Variants in DIS3L observed in about 807,000 individuals in gnomAD.
The protein encoded by DIS3L is DIS3 like exosome 3'-5' exoribonuclease.
A neutral mutation model predicts 120.3 loss-of-function variants in DIS3L; 100 were observed. The ratio of observed to expected loss-of-function variants is 0.83; its 90% CI spans 0.71 to 0.98. The LOEUF is 0.98. Among genes scored for constraint, DIS3L ranks in the 50% least tolerant of loss-of-function variants. The pLI is 0.00. For missense variants in DIS3L, 1,196 were observed against 1,314.2 expected, an observed-to-expected ratio of 0.91 and a Z score of 1.39; for synonymous variants, 426 against 470.6, an observed-to-expected ratio of 0.91 and a Z score of 1.23.
intron 14 of DIS3L, chr15:66,329,714 C>A (rs2092979392): frequency 2.0e-6 from 2 of 1,019,122 alleles, no homozygotes; most frequent in Non-Finnish European, 2.3e-6. Flanking sequence ...GAATTTGAGA[C>A]CAGCCTGGCC....
chr15:66,296,987 A>G (rs1025641431), intron 2 of DIS3L, among the ~76,000 whole-genome samples: 3 of 152,192 alleles, frequency 2.0e-5, no homozygotes, highest in Admixed American at 6.5e-5. Context: ...AGGCCAAAAA[A>G]TCCTTTGGGG....
intron 12 of DIS3L, 138 bp from the exon 13 acceptor site, chr15:66,328,832 G>A (rs1409558813): frequency 3.1e-6 from 3 of 976,500 alleles, no homozygotes; most frequent in African/African-American, 3.3e-5. Context: ...GTTGAAAAGA[G>A]GTGCTTCTGA....
rs765157788 is a variant in DIS3L, at chr15:66,333,078, CA to C, written c.2933del (p.Lys978ArgfsTer15). ...TTGAAATAATTAGTAACAAACCATA[CA>C]AGATACCAAATACAGAACTTATTCA... The part of the protein sequence containing the change: ...RLEIISNKPY[K>X]IPNTELIHQS... On this transcript the variant is annotated frameshift_variant, in exon 17 of 17. Coordinates refer to ENST00000319212, the MANE Select transcript of DIS3L (RefSeq NM_001143688.3). LOFTEE classifies it high-confidence loss of function. 5 of 1,613,150 alleles carry C rather than the reference CA, an allele frequency of 3.1e-6. No individual in the cohort carries two copies. Among genetic ancestry groups the C allele is most frequent in the Non-Finnish European group, 4.2e-6 (5 of 1,180,030 alleles).
At chr15:66,325,349 G>A (rs893737179) in intron 11 of DIS3L, among the ~76,000 whole-genome samples, 1 of 151,986 alleles carries the variant, frequency 6.6e-6, no homozygotes, top group Non-Finnish European at 1.5e-5. Flanking sequence ...AGCCGAGATC[G>A]CACCACTGCA....
chr15:66,293,803 C>T (rs2092550951), intron 1 of DIS3L, 68 bp downstream of exon 1: 1 of 1,092,338 alleles, frequency 9.2e-7, no homozygotes. Flanking sequence ...GGGCTGAGCG[C>T]GGCCGGGAGG....
intron 2 of DIS3L, among the ~76,000 whole-genome samples, chr15:66,298,610 A>G (rs539076416): frequency 1.3e-5 from 2 of 152,350 alleles, no homozygotes; most frequent in African/African-American, 4.8e-5. Context: ...GACTTCAATA[A>G]TATCAATGCA....
rs1486637292 is a variant in DIS3L at position 66,293,575 on chromosome 15, GGCCGCCGGGAGACAC to G, written c.-15_-1del. On this transcript the variant is annotated 5_prime_UTR_variant, in exon 1 of 17. Coordinates refer to ENST00000319212, the MANE Select transcript of DIS3L (RefSeq NM_001143688.3). ...GCCTCCGCCGCGCCCGCCACTCCGCGGCCGCCGGGAGACACGCCGCCATGCTGCAGAAGCGGGAGA... is the reference window on the plus strand; with the variant it reads ...GCCTCCGCCGCGCCCGCCACTCCGCGGCCGCCATGCTGCAGAAGCGGGAGA... The G allele has an allele frequency of 7.0e-7, 1 of 1,418,738 alleles. No homozygotes were observed. The highest frequency in any genetic ancestry group is 9.2e-7 in the Non-Finnish European group (1 of 1,085,396). The allele number at this position is 1,418,738 out of a possible 1,614,324, so 87.9% of individuals were successfully genotyped here.
chr15:66,325,683 T>A, intron 11 of DIS3L, 148 bp from the exon 12 acceptor site: 1 of 899,810 alleles, frequency 1.1e-6, no homozygotes, highest in East Asian at 2.5e-5. Context: ...ATTGCTCAAG[T>A]CCAGGAGATT....
At position 66,333,505 on chromosome 15, in the gene DIS3L, C is replaced by A. The variant is rs1391315021; in HGVS notation, c.*193C>A. 2.1e-5 allele frequency: 10 copies of A among 486,824 alleles called. No individual in the cohort carries two copies. Among genetic ancestry groups the A allele is most frequent in the Non-Finnish European group, 3.5e-5 (10 of 284,470 alleles). The allele number at this position is 486,824 out of a possible 1,614,324, so 30.2% of individuals were successfully genotyped here. A position where few individuals can be genotyped will look rare whatever the true frequency, so the allele number is the denominator to read the frequency against. On this transcript the variant is annotated 3_prime_UTR_variant, in exon 17 of 17. Transcript: ENST00000319212. Reference sequence around the variant, plus strand: ...CAGCACTTTGGGAGGCTGAGGCGGGCGGATCACGAGGTCAGGAGATTGAGA... The same window carrying A: ...CAGCACTTTGGGAGGCTGAGGCGGGAGGATCACGAGGTCAGGAGATTGAGA...
chr15:66,299,762 A>G (rs2140322564), intron 2 of DIS3L, among the ~76,000 whole-genome samples: 1 of 152,286 alleles, frequency 6.6e-6, no homozygotes, highest in Non-Finnish European at 1.5e-5. Context: ...TGAAACTAAA[A>G]ACATCATACA....
In DIS3L at chr15:66,311,803, G is replaced by A. The variant is rs1030612811; in HGVS notation, c.638G>A (p.Arg213Lys). 1.2e-6 allele frequency: 2 copies of A among 1,614,176 alleles called. No individual in the cohort carries two copies. The highest frequency in any genetic ancestry group is 1.7e-6 in the Non-Finnish European group (2 of 1,180,018). The change falls in exon 5 of 17, where the codon AGA (arginine) becomes AAA (lysine). Residue 213 changes from arginine (R) to lysine (K), a missense_variant. Arg to Lys is a conservative substitution (Grantham distance 26, BLOSUM62 2). Transcript: ENST00000319212. The stretch of plus-strand genomic sequence containing the variant: ...TCTATCCTTCAGTCTCGACGGGAGA[G>A]AGAGAATGAGAGTCAGGAGAGCCAT... ...CDSILQSRRERENESQESHGK... is the reference protein window; with the variant it reads ...CDSILQSRREKENESQESHGK...
chr15:66,305,123 C>T (rs1289376605), intron 2 of DIS3L, among the ~76,000 whole-genome samples: 5 of 148,706 alleles, frequency 3.4e-5, no homozygotes, highest in Non-Finnish European at 7.4e-5. Context: ...GCCTCAACTT[C>T]CTGAGTAGCT....
intron 2 of DIS3L, among the ~76,000 whole-genome samples, chr15:66,303,820 G>C (rs540143979): frequency 6.6e-6 from 1 of 152,066 alleles, no homozygotes; most frequent in Non-Finnish European, 1.5e-5. Context: ...GGCCGGGCGC[G>C]GTGGCTCATG....
intron 9 of DIS3L, 73 bp from the exon 10 acceptor site, chr15:66,322,614 G>T: frequency 6.3e-7 from 1 of 1,578,162 alleles, no homozygotes; most frequent in African/African-American, 1.4e-5. Flanking sequence ...TGGTCATACT[G>T]AGAATATTAG....
chr15:66,330,602 T>C (rs2092989736), intron 14 of DIS3L: 22 of 965,798 alleles, frequency 2.3e-5, no homozygotes, highest in Non-Finnish European at 2.7e-5. Flanking sequence ...GAAATTTGTC[T>C]CAGTAGAAAT....
intron 2 of DIS3L, among the ~76,000 whole-genome samples, chr15:66,295,602 C>G (rs2092577833): frequency 6.6e-6 from 1 of 152,028 alleles, no homozygotes; most frequent in African/African-American, 2.4e-5. Context: ...TCAATGAAAC[C>G]AGAAATAGCT....
intron 14 of DIS3L, among the ~76,000 whole-genome samples, chr15:66,330,780 C>T (rs563357193): frequency 6.6e-6 from 1 of 152,278 alleles, no homozygotes; most frequent in African/African-American, 2.4e-5. Flanking sequence ...CTTATGGATA[C>T]ACTTATACAG....
At chr15:66,299,230 G>GGAT (rs1259956983) in intron 2 of DIS3L, among the ~76,000 whole-genome samples, 3 of 152,132 alleles carry the variant, frequency 2.0e-5, no homozygotes, top group Admixed American at 2.0e-4. Context: ...AAGCAAAATG[G>GGAT]GATAACATGA....
chr15:66,314,299 T>TTATTGCAA (rs2092795234), intron 6 of DIS3L, among the ~76,000 whole-genome samples, 182 bp downstream of exon 6: 1 of 152,190 alleles, frequency 6.6e-6, no homozygotes, highest in Non-Finnish European at 1.5e-5. Context: ...ATTTCTGATT[T>TTATTGCAA]TATTGCAATA....
Sources: allele counts gnomAD v4.1 joint callset (sites outside exome capture counted in the v4.1 genomes callset), GRCh38; gene constraint gnomAD v4.1.1; transcripts MANE v1.5; gene names NCBI Gene and HGNC (gene_info 2026-07-23, HGNC 2026-07-21).